PACS1: variants seen among roughly 807,000 people sequenced by gnomAD.
PACS1 encodes the protein phosphofurin acidic cluster sorting protein 1, also known as PACS-1.
A neutral mutation model predicts 115.0 loss-of-function variants in PACS1; 24 were observed. That is an observed-to-expected ratio of 0.21 (90% CI 0.15 to 0.29). The LOEUF (loss-of-function observed/expected upper bound fraction) is 0.29. Ranked by LOEUF, PACS1 falls within the 10% of genes least tolerant of loss-of-function variation. The probability of loss-of-function intolerance (pLI) is 1.00; values close to 1 mark genes in which losing one functional copy is unlikely to be tolerated. For missense variants in PACS1, 838 were observed against 1,251.2 expected, an observed-to-expected ratio of 0.67 and a Z score of 4.98; for synonymous variants, 453 against 504.5, an observed-to-expected ratio of 0.90 and a Z score of 1.37.
rs141559294 is a variant in PACS1, at chr11:66,146,094, G to A, written c.357-47392G>A. Among the ~76,000 whole-genome samples the A allele has an allele frequency of 1.8e-3, 269 of 152,160 alleles. 1 individual carries two copies. In the East Asian group the frequency reaches 0.026, roughly 15 times the overall value. On this transcript the variant is annotated intron_variant, in intron 1 of 23. Transcript: ENST00000320580. ...TATGTCTGTAATTTATTATGGTTAT[G>A]TCTGTAAGGAATGGCTACAGAAAAC...
At chr11:66,186,995 G>C (rs1002453296) in intron 1 of PACS1, among the ~76,000 whole-genome samples, 1 of 152,154 alleles carries the variant, frequency 6.6e-6, no homozygotes, top group African/African-American at 2.4e-5. Flanking sequence ...AAGACAGTAC[G>C]TGGTCTTTTG....
chr11:66,100,852 C>T (rs1259441442), intron 1 of PACS1: 3 of 456,144 alleles, frequency 6.6e-6, no homozygotes, highest in African/African-American at 4.0e-5. Flanking sequence ...GGCCTTTCCA[C>T]GTGGCTGCTT....
In PACS1 at chr11:66,233,978, G is replaced by C. The variant is rs368065464; in HGVS notation, c.1993+39G>C. 4.5e-6 allele frequency: 7 copies of C among 1,569,104 alleles called. No homozygotes were observed. The African/African-American group carries it at 8.1e-5, about 18-fold the overall frequency. On this transcript the variant is annotated intron_variant, in intron 16 of 23. Coordinates refer to ENST00000320580, the MANE Select transcript of PACS1 (RefSeq NM_018026.4). The surrounding 1 kb of genome is among the most constrained non-coding windows in gnomAD (Gnocchi z 4.5). ...GCACCAGGAGGGCGTCGGGCATGAG[G>C]GTTCCATAGACAGATGCCTCATCTG...
At chr11:66,164,610 TATATATG>T (rs1859560882) in intron 1 of PACS1, among the ~76,000 whole-genome samples, 1 of 145,050 alleles carries the variant, frequency 6.9e-6, no homozygotes, top group Admixed American at 7.0e-5. Context: ...ATAATACATA[TATATATG>T]TATTTTTTTT....
At chr11:66,208,935 G>T (rs915002957) in intron 2 of PACS1, among the ~76,000 whole-genome samples, 1 of 151,904 alleles carries the variant, frequency 6.6e-6, no homozygotes, top group Non-Finnish European at 1.5e-5. Flanking sequence ...GATGTTGTGG[G>T]GTTTTTTTTA....
intron 1 of PACS1, among the ~76,000 whole-genome samples, chr11:66,188,501 A>G (rs1854439920): frequency 6.6e-6 from 1 of 152,158 alleles, no homozygotes; most frequent in Admixed American, 6.5e-5. Context: ...GTTACCCTAC[A>G]TCTTCACCAG....
chr11:66,180,072 T>C lies in PACS1; in HGVS notation c.357-13414T>C, dbSNP rs549487540. 3.9e-5 allele frequency among the ~76,000 whole-genome samples: 6 copies of C among 151,998 alleles called. No homozygotes were observed. In the South Asian group the frequency reaches 1.2e-3, roughly 32 times the overall value. ...GGCCAAGCTGGTCTCAAACTCCTGATCTCAGGTGATCCGCCTGCCTCAGCC... is the reference window on the plus strand; with the variant it reads ...GGCCAAGCTGGTCTCAAACTCCTGACCTCAGGTGATCCGCCTGCCTCAGCC... On this transcript the variant is annotated intron_variant, in intron 1 of 23. Transcript: ENST00000320580.
At chr11:66,204,152 G>C (rs1042217418) in intron 2 of PACS1, among the ~76,000 whole-genome samples, 20 of 152,074 alleles carry the variant, frequency 1.3e-4, no homozygotes, top group African/African-American at 4.8e-4. Context: ...CATCTGACAA[G>C]GGATTAATAA....
chr11:66,212,298 A>T (rs1269820397), intron 4 of PACS1, among the ~76,000 whole-genome samples: 2 of 140,764 alleles, frequency 1.4e-5, no homozygotes, highest in African/African-American at 5.2e-5. Context: ...TGCCCAGCTA[A>T]TTTTTTTTTT....
intron 1 of PACS1, among the ~76,000 whole-genome samples, chr11:66,125,540 CA>C (rs1227191630): frequency 6.6e-6 from 1 of 152,096 alleles, no homozygotes; most frequent in Non-Finnish European, 1.5e-5. Context: ...AGTGATTTTC[CA>C]GGGTCAGAGA....
In PACS1 at chr11:66,240,747, C is replaced by T. The variant is rs1019405382; in HGVS notation, c.2430-680C>T. 3.5e-5 allele frequency among the ~76,000 whole-genome samples: 5 copies of T among 142,562 alleles called. No homozygotes were observed. In the South Asian group the frequency reaches 1.0e-3, roughly 30 times the overall value. 93.5% of individuals were successfully genotyped at this position (142,562 alleles called of 152,430 possible). ...TGGGTTTGGGGAGCCTTGGCACCAA[C>T]CCTTTCCTCTACCTCCTTTCCCTTC... is the stretch of plus-strand genomic sequence containing the variant. On this transcript the variant is annotated intron_variant, in intron 21 of 23. Coordinates refer to ENST00000320580, the MANE Select transcript of PACS1 (RefSeq NM_018026.4).
chr11:66,230,293 T>C (rs1221118644), intron 11 of PACS1: 1 of 511,764 alleles, frequency 2.0e-6, no homozygotes, highest in Non-Finnish European at 3.5e-6. Flanking sequence ...ACTCTTCTTG[T>C]GCCAGCAGGT....
intron 4 of PACS1, among the ~76,000 whole-genome samples, chr11:66,214,124 A>T (rs893870369): frequency 1.2e-4 from 18 of 151,712 alleles, no homozygotes; most frequent in African/African-American, 4.4e-4. Context: ...AGTTCCTCTC[A>T]ATCCTAACAG....
intron 1 of PACS1, among the ~76,000 whole-genome samples, chr11:66,191,140 G>A (rs978901346): frequency 6.6e-6 from 1 of 152,192 alleles, no homozygotes; most frequent in African/African-American, 2.4e-5. Context: ...CTGTTTTCTT[G>A]CCTTTTCCTG....
chr11:66,086,466 A>G (rs1190180007), intron 1 of PACS1, among the ~76,000 whole-genome samples: 1 of 152,006 alleles, frequency 6.6e-6, no homozygotes, highest in Non-Finnish European at 1.5e-5. Flanking sequence ...CTAGGCTGAG[A>G]TAGTTATAAA....
chr11:66,222,527 A>G (rs1450779507), intron 10 of PACS1, among the ~76,000 whole-genome samples: 1 of 152,070 alleles, frequency 6.6e-6, no homozygotes, highest in African/African-American at 2.4e-5. Context: ...TTCGTTTACA[A>G]TGGAAGGCAA....
chr11:66,171,056 G>A (rs1859726816), intron 1 of PACS1, among the ~76,000 whole-genome samples: 1 of 150,294 alleles, frequency 6.7e-6, no homozygotes, highest in Non-Finnish European at 1.5e-5. Flanking sequence ...TTTGAATATT[G>A]GTAATGTTAG....
intron 4 of PACS1, among the ~76,000 whole-genome samples, chr11:66,214,839 C>G (rs1855162759): frequency 1.3e-5 from 2 of 151,694 alleles, no homozygotes; most frequent in Non-Finnish European, 2.9e-5. Flanking sequence ...TCAGGCTGGT[C>G]TCAAACTCCT....
intron 1 of PACS1, among the ~76,000 whole-genome samples, chr11:66,140,427 G>A (rs576481504): frequency 1.3e-5 from 2 of 152,262 alleles, no homozygotes; most frequent in South Asian, 4.1e-4. Flanking sequence ...GCTCACAAAA[G>A]CCAGTGATGG....
Sources: gnomAD v4.1 joint callset for allele counts (sites outside exome capture counted in the v4.1 genomes callset) on GRCh38, gnomAD v4.1.1 for gene constraint, Gnocchi (gnomAD v3.1) non-coding constraint, MANE v1.5 for transcripts, NCBI Gene and HGNC (gene_info 2026-07-23, HGNC 2026-07-21) for gene names.